The following DLEC1 variants were observed in gnomAD, a reference collection of about 807,000 sequenced individuals.
DLEC1 encodes the protein deleted in lung and esophageal cancer protein 1.
Under a neutral mutation model 198.1 loss-of-function variants are expected in DLEC1, and 146 were observed. That is an observed-to-expected ratio of 0.74 (90% CI 0.64 to 0.85). The LOEUF (loss-of-function observed/expected upper bound fraction) is 0.85. DLEC1 is among the 40% of genes least tolerant of loss of function. The pLI is 0.00. For synonymous variants in DLEC1, 897 were observed against 866.8 expected, an observed-to-expected ratio of 1.03 and a Z score of -0.61; for missense variants, 2,233 against 2,220.0, an observed-to-expected ratio of 1.01 and a Z score of -0.12.
rs569607325 is a variant in DLEC1 at position 38,079,072 on chromosome 3, G to C, written c.1174-5086G>C. 2.8e-4 allele frequency among the ~76,000 whole-genome samples: 43 copies of C among 152,294 alleles called. No individual in the cohort carries two copies. In the South Asian group the frequency reaches 7.1e-3, roughly 25 times the overall value. On this transcript the variant is annotated intron_variant, in intron 6 of 36. Transcript: ENST00000308059. The stretch of plus-strand genomic sequence containing the variant: ...AGGTTTTAATGAGATGGTAAGGGGT[G>C]CATGATCGGTCGCCAAGGAGGGAGT...
chr3:38,114,436 A>C lies in DLEC1; in HGVS notation c.3761A>C (p.Gln1254Pro). Reference sequence around the variant, plus strand: ...AGGACCACCTCCTACACTATTGACCAGGCCCAGAAGGAACCAGCCATGAGG... The same window carrying C: ...AGGACCACCTCCTACACTATTGACCCGGCCCAGAAGGAACCAGCCATGAGG... Reference protein sequence around the residue: ...SLRTTSYTIDQAQKEPAMRFG... With the variant: ...SLRTTSYTIDPAQKEPAMRFG... Residue 1254 changes from glutamine to proline, a missense_variant, in exon 26 of 37, where the codon CAG becomes CCG. Coordinates refer to ENST00000308059, the MANE Select transcript of DLEC1 (RefSeq NM_007335.4). The C allele has an allele frequency of 6.2e-7, 1 of 1,614,210 alleles. No homozygotes were observed. The highest frequency in any genetic ancestry group is 8.5e-7 in the Non-Finnish European group (1 of 1,180,022).
intron 13 of DLEC1, 86 bp from the exon 14 acceptor site, chr3:38,095,802 G>A: frequency 6.4e-7 from 1 of 1,556,258 alleles, no homozygotes; most frequent in Non-Finnish European, 8.8e-7. Context: ...CTAAGGGGAG[G>A]AAGAATTCCT....
chr3:38,123,405 G>A lies in DLEC1; in HGVS notation c.*993G>A, dbSNP rs148279300. The A allele has an allele frequency of 1.5e-4, 54 of 368,108 alleles. 1 individual carries two copies. In the East Asian group the frequency reaches 2.4e-3, roughly 16 times the overall value. The allele number at this position is 368,108 out of a possible 1,614,324, so 22.8% of individuals were successfully genotyped here. Reference sequence around the variant, plus strand: ...GTGCATGTTCCCCTCCCCAGGGATCGATCATAATCCCAAAAGACACAATCC... The same window carrying A: ...GTGCATGTTCCCCTCCCCAGGGATCAATCATAATCCCAAAAGACACAATCC... On this transcript the variant is annotated 3_prime_UTR_variant, in exon 37 of 37. Transcript: ENST00000308059.
At chr3:38,106,065 C>G (rs1699551670) in intron 19 of DLEC1, among the ~76,000 whole-genome samples, 1 of 152,168 alleles carries the variant, frequency 6.6e-6, no homozygotes, top group Non-Finnish European at 1.5e-5. Flanking sequence ...TAGCTCAGCT[C>G]TATTCTCTCC....
At chr3:38,116,140 A>T (rs1258043712) in intron 27 of DLEC1, among the ~76,000 whole-genome samples, 1 of 152,164 alleles carries the variant, frequency 6.6e-6, no homozygotes, top group Non-Finnish European at 1.5e-5. Context: ...CAGCCTGCCC[A>T]CAAACAGGCC....
chr3:38,063,789 A>G (rs1696826810), intron 5 of DLEC1, 52 bp from the exon 6 acceptor site: 3 of 1,341,028 alleles, frequency 2.2e-6, no homozygotes, highest in Admixed American at 1.7e-5. Flanking sequence ...CTACTATTTC[A>G]TTGTATGGAT....
intron 6 of DLEC1, among the ~76,000 whole-genome samples, chr3:38,076,147 G>A (rs975153673): frequency 2.0e-5 from 3 of 152,218 alleles, no homozygotes; most frequent in African/African-American, 7.2e-5. Context: ...TTGAAGGGTG[G>A]CGCCAAGATT....
At chr3:38,115,437 G>A (rs1043315814) in intron 27 of DLEC1, among the ~76,000 whole-genome samples, 3 of 152,280 alleles carry the variant, frequency 2.0e-5, no homozygotes, top group Non-Finnish European at 2.9e-5. Context: ...AGGGAAGGCC[G>A]GAGTGCTGGG....
At chr3:38,095,562 T>C in intron 13 of DLEC1, 1 of 356,010 alleles carries the variant, frequency 2.8e-6, no homozygotes, top group South Asian at 3.8e-5. Context: ...CTGCCTCTGG[T>C]CCCAGCATCC....
At chr3:38,122,035 C>G (rs779356278) in intron 35 of DLEC1, 36 bp from the exon 36 acceptor site, 1 of 1,609,610 alleles carries the variant, frequency 6.2e-7, no homozygotes, top group Non-Finnish European at 8.5e-7. Context: ...CATGGGGCTG[C>G]CTGCACTCAT....
chr3:38,116,393 G>C, intron 27 of DLEC1, 60 bp from the exon 28 acceptor site: 1 of 1,578,632 alleles, frequency 6.3e-7, no homozygotes, highest in Non-Finnish European at 8.7e-7. Context: ...GGAGGAGGGG[G>C]CCCCGGGGGG....
At chr3:38,056,062 TACACAC>T (rs57610638) in intron 2 of DLEC1, among the ~76,000 whole-genome samples, 13,579 of 120,242 alleles carry the variant, frequency 0.11, 753 homozygotes, top group East Asian at 0.17. Flanking sequence ...CTACAAAAAA[TACACAC>T]ACACACACAC....
intron 35 of DLEC1, 132 bp from the exon 36 acceptor site, chr3:38,121,939 A>G (rs1398484278): frequency 6.6e-6 from 10 of 1,512,412 alleles, no homozygotes; most frequent in Non-Finnish European, 8.9e-6. Flanking sequence ...CCAATCCCAC[A>G]TGATCTCAGG....
intron 2 of DLEC1, among the ~76,000 whole-genome samples, chr3:38,049,115 G>A (rs1198384580): frequency 6.6e-6 from 1 of 151,678 alleles, no homozygotes; most frequent in African/African-American, 2.4e-5. Flanking sequence ...TTGAGAACCA[G>A]GAGACAAATG....
At chr3:38,092,238 G>A (rs762010759) in intron 10 of DLEC1, among the ~76,000 whole-genome samples, 6 of 152,198 alleles carry the variant, frequency 3.9e-5, no homozygotes, top group African/African-American at 7.2e-5. Flanking sequence ...AAATCCTGTC[G>A]TTTGCGACAA....
At chr3:38,045,762 A>T (rs1700861086) in intron 2 of DLEC1, 69 bp downstream of exon 2, 1 of 1,481,762 alleles carries the variant, frequency 6.7e-7, no homozygotes. Flanking sequence ...TGTTTGCTCC[A>T]TTGCCCACTC....
At chr3:38,059,066 T>C (rs1696535822) in intron 2 of DLEC1, among the ~76,000 whole-genome samples, 2 of 152,196 alleles carry the variant, frequency 1.3e-5, no homozygotes, top group South Asian at 4.1e-4. Flanking sequence ...AGACGTTAAT[T>C]ATCACCTTTC....
intron 23 of DLEC1, among the ~76,000 whole-genome samples, chr3:38,110,871 TACAC>T (rs370299447): frequency 9.2e-5 from 14 of 151,964 alleles, no homozygotes; most frequent in Admixed American, 3.9e-4. Flanking sequence ...CACATATACA[TACAC>T]ATGCATAGAC....
chr3:38,084,491 G>A (rs866562849), intron 7 of DLEC1, among the ~76,000 whole-genome samples: 14 of 108,808 alleles, frequency 1.3e-4, no homozygotes, highest in East Asian at 3.4e-4. Flanking sequence ...TAGTAGTGGT[G>A]GTAGTAGTAG....
Sources: allele counts gnomAD v4.1 joint callset (sites outside exome capture counted in the v4.1 genomes callset), GRCh38; gene constraint gnomAD v4.1.1; transcripts MANE v1.5; gene names NCBI Gene and HGNC (gene_info 2026-07-23, HGNC 2026-07-21).